Variants in CADM2 observed in about 807,000 individuals in gnomAD.
CADM2 encodes cell adhesion molecule 2.
CADM2 carries 12 observed loss-of-function variants against 49.8 expected under a neutral mutation model. The ratio of observed to expected loss-of-function variants is 0.24; its 90% CI spans 0.15 to 0.39. CADM2 has a LOEUF of 0.39. Ranked by LOEUF, CADM2 falls within the 10% of genes least tolerant of loss-of-function variation. The pLI is 1.00. For missense variants in CADM2, 378 were observed against 492.3 expected (o/e 0.77, Z 2.20); for synonymous variants, 214 against 175.4 (o/e 1.22, Z -1.74).
At chr3:85,651,368 G>A (rs1399170088) in intron 1 of CADM2, among the ~76,000 whole-genome samples, 1 of 152,008 alleles carries the variant, frequency 6.6e-6, no homozygotes, top group Non-Finnish European at 1.5e-5. Context: ...TTGTGTATTC[G>A]TACTCCACCC....
chr3:85,955,043 T>G (rs1315034292), intron 7 of CADM2, among the ~76,000 whole-genome samples: 1 of 151,352 alleles, frequency 6.6e-6, no homozygotes, highest in African/African-American at 2.4e-5. Context: ...CATCTTCCTA[T>G]GGTGACATGG....
chr3:85,481,163 A>T (rs1340340581), intron 1 of CADM2, among the ~76,000 whole-genome samples: 1 of 150,654 alleles, frequency 6.6e-6, no homozygotes, highest in African/African-American at 2.4e-5. Context: ...CAATGATAAG[A>T]CATTAATCTT....
At chr3:85,004,836 C>T (rs1469069012) in intron 1 of CADM2, among the ~76,000 whole-genome samples, 2 of 152,096 alleles carry the variant, frequency 1.3e-5, no homozygotes. Flanking sequence ...GTTATAAGAC[C>T]TCCATGATCA....
intron 8 of CADM2, among the ~76,000 whole-genome samples, chr3:86,017,475 T>A (rs1358159836): frequency 6.6e-6 from 1 of 152,092 alleles, no homozygotes; most frequent in East Asian, 1.9e-4. Context: ...CACATGCCTG[T>A]AATCCAGCAT....
At chr3:85,571,245 T>C (rs1022441725) in intron 1 of CADM2, among the ~76,000 whole-genome samples, 4 of 152,190 alleles carry the variant, frequency 2.6e-5, no homozygotes, top group Admixed American at 6.5e-5. Flanking sequence ...AAATTATCCA[T>C]ATGAATGTAC....
At chr3:85,144,873 C>A (rs1182463442) in intron 1 of CADM2, among the ~76,000 whole-genome samples, 1 of 152,012 alleles carries the variant, frequency 6.6e-6, no homozygotes, top group African/African-American at 2.4e-5. Context: ...ATAAATACAT[C>A]AAATCATAAA....
rs71108298 is a variant in CADM2 at position 85,568,397 on chromosome 3, CTCTTTCTTTCTTTCTTTCTT to C, written c.62-158077_62-158058del. On this transcript the variant is annotated intron_variant, in intron 1 of 9. Coordinates refer to ENST00000383699, the MANE Select transcript of CADM2 (RefSeq NM_001167675.2). ...GTTACCTACAATCTTTCCTTCCTCC[CTCTTTCTTTCTTTCTTTCTT>C]TCTTTCTTTCTTTCTTTCTTTCTTT... Among the ~76,000 whole-genome samples, 119 of 52,070 alleles carry C rather than the reference CTCTTTCTTTCTTTCTTTCTT, an allele frequency of 2.3e-3. 5 individuals are homozygous for C. The highest frequency in any genetic ancestry group is 4.7e-3 in the Non-Finnish European group (86 of 18,360). 34.2% of individuals were successfully genotyped at this position (52,070 alleles called of 152,430 possible).
At chr3:85,981,796 G>A (rs963971811) in intron 8 of CADM2, among the ~76,000 whole-genome samples, 5 of 151,680 alleles carry the variant, frequency 3.3e-5, no homozygotes, top group African/African-American at 1.2e-4. Flanking sequence ...TTGATATTGT[G>A]AATAGTGCTG....
At chr3:85,957,087 A>G (rs1160498785) in intron 7 of CADM2, among the ~76,000 whole-genome samples, 2 of 151,708 alleles carry the variant, frequency 1.3e-5, no homozygotes, top group Admixed American at 6.6e-5. Flanking sequence ...CTACATTGCT[A>G]CAAATCATAG....
intron 3 of CADM2, among the ~76,000 whole-genome samples, chr3:85,855,961 T>G (rs1229703500): frequency 1.3e-5 from 2 of 152,184 alleles, no homozygotes; most frequent in East Asian, 3.9e-4. Context: ...TATACGCTTT[T>G]TGCAGGTTAA....
At chr3:85,959,749 CA>C (rs1724588509) in intron 7 of CADM2, among the ~76,000 whole-genome samples, 2 of 151,778 alleles carry the variant, frequency 1.3e-5, no homozygotes, top group Admixed American at 6.6e-5. Flanking sequence ...CAATTTGTTC[CA>C]GTATTCAGAG....
At chr3:85,120,162 C>T (rs1156234130) in intron 1 of CADM2, among the ~76,000 whole-genome samples, 3 of 152,092 alleles carry the variant, frequency 2.0e-5, no homozygotes, top group Admixed American at 6.6e-5. Flanking sequence ...GTTAGAATGG[C>T]AATCATTAAA....
intron 1 of CADM2, among the ~76,000 whole-genome samples, chr3:85,522,384 A>G (rs114468829): frequency 0.017 from 2,591 of 152,278 alleles, 28 homozygotes; most frequent in South Asian, 0.029. Flanking sequence ...GTTTGTAGAA[A>G]TGCTTCATGC....
At chr3:85,424,311 T>C (rs1467032027) in intron 1 of CADM2, among the ~76,000 whole-genome samples, 1 of 151,556 alleles carries the variant, frequency 6.6e-6, no homozygotes, top group East Asian at 1.9e-4. Context: ...TAAAAAATTA[T>C]ATTTGAAAAA....
intron 1 of CADM2, among the ~76,000 whole-genome samples, chr3:85,541,732 T>A (rs1286174114): frequency 3.6e-5 from 4 of 110,346 alleles, no homozygotes; most frequent in East Asian, 3.3e-4. Flanking sequence ...ATATATATAT[T>A]TTATATATAT....
At chr3:86,049,180 T>C (rs1260771901) in intron 8 of CADM2, among the ~76,000 whole-genome samples, 13 of 152,152 alleles carry the variant, frequency 8.5e-5, no homozygotes, top group Non-Finnish European at 1.0e-4. Flanking sequence ...CTAAGTGAGC[T>C]GTTGCGTTAG....
intron 8 of CADM2, among the ~76,000 whole-genome samples, chr3:86,009,828 A>T (rs1407710277): frequency 6.6e-6 from 1 of 151,930 alleles, no homozygotes; most frequent in Non-Finnish European, 1.5e-5. Flanking sequence ...GTGTATATAC[A>T]ACATGATGTT....
In CADM2 at chr3:86,071,105, T is replaced by A. The variant is rs1739827766; in HGVS notation, c.*4322T>A. The A allele has an allele frequency of 6.6e-6, 1 of 151,888 alleles. No individual in the cohort carries two copies. Among genetic ancestry groups the A allele is most frequent in the Non-Finnish European group, 1.5e-5 (1 of 67,822 alleles). 9.4% of individuals were successfully genotyped at this position (151,888 alleles called of 1,614,324 possible). On this transcript the variant is annotated 3_prime_UTR_variant, in exon 10 of 10. Coordinates refer to ENST00000383699, the MANE Select transcript of CADM2 (RefSeq NM_001167675.2). ...ACAGTAACATTTTTATTTGGATTAG[T>A]TTTTGGTGTTATTGCAGAGAAAGAA...
At chr3:85,482,940 T>G (rs932162094) in intron 1 of CADM2, among the ~76,000 whole-genome samples, 6 of 151,654 alleles carry the variant, frequency 4.0e-5, no homozygotes, top group Non-Finnish European at 7.4e-5. Context: ...AATATATATT[T>G]GACAAAATTA....
Sources: gnomAD v4.1 joint callset for allele counts (sites outside exome capture counted in the v4.1 genomes callset) on GRCh38, gnomAD v4.1.1 for gene constraint, MANE v1.5 for transcripts, NCBI Gene and HGNC (gene_info 2026-07-23, HGNC 2026-07-21) for gene names.